PDE4B: variants seen among roughly 807,000 people sequenced by gnomAD.
PDE4B encodes phosphodiesterase 4B.
Under a neutral mutation model 82.2 loss-of-function variants are expected in PDE4B, and 20 were observed. The observed-to-expected ratio is 0.24, with a 90% CI of 0.17 to 0.35. PDE4B has a LOEUF of 0.35. Ranked by LOEUF, PDE4B falls within the 10% of genes least tolerant of loss-of-function variation. The pLI is 1.00. For synonymous variants in PDE4B, 320 were observed against 318.9 expected (o/e 1.00, Z -0.04); for missense variants, 655 against 907.2 (o/e 0.72, Z 3.57).
chr1:66,266,014 T>A (rs1021110300), intron 6 of PDE4B, 24 bp from the exon 7 acceptor site: 1 of 1,601,272 alleles, frequency 6.2e-7, no homozygotes, highest in Admixed American at 1.7e-5. Context: ...ACAGACTCAG[T>A]CCTTCTTTTC....
At chr1:66,370,702 A>T (rs2050726028) in intron 16 of PDE4B, among the ~76,000 whole-genome samples, 1 of 152,182 alleles carries the variant, frequency 6.6e-6, no homozygotes, top group African/African-American at 2.4e-5. Context: ...TTTCAAAAAC[A>T]TTCTCAGCAT....
chr1:65,930,490 G>A (rs114007349), intron 3 of PDE4B, among the ~76,000 whole-genome samples: 1,818 of 152,308 alleles, frequency 0.012, 40 homozygotes, highest in African/African-American at 0.042. Flanking sequence ...TTGGGGGGTC[G>A]AGCCCTGGAA....
At chr1:66,052,433 C>G (rs1458118300) in intron 3 of PDE4B, among the ~76,000 whole-genome samples, 1 of 152,074 alleles carries the variant, frequency 6.6e-6, no homozygotes, top group Non-Finnish European at 1.5e-5. Context: ...TCGCATCAAA[C>G]CCACTTGTAC....
At chr1:66,179,869 A>G (rs1320023370) in intron 3 of PDE4B, among the ~76,000 whole-genome samples, 1 of 152,150 alleles carries the variant, frequency 6.6e-6, no homozygotes, top group Non-Finnish European at 1.5e-5. Context: ...CGAGTTCGGA[A>G]TCCAATGCTT....
intron 3 of PDE4B, among the ~76,000 whole-genome samples, chr1:65,972,056 G>C (rs534371990): frequency 6.6e-6 from 1 of 152,194 alleles, no homozygotes; most frequent in South Asian, 2.1e-4. Flanking sequence ...AGGCAGACTA[G>C]GTAGATTCTG....
chr1:66,026,030 G>A (rs1430374751), intron 3 of PDE4B, among the ~76,000 whole-genome samples: 1 of 152,042 alleles, frequency 6.6e-6, no homozygotes, highest in Non-Finnish European at 1.5e-5. Flanking sequence ...ATGTTTTATT[G>A]TTTTCTTGAT....
intron 3 of PDE4B, among the ~76,000 whole-genome samples, chr1:66,113,832 T>C (rs1029833919): frequency 3.3e-5 from 5 of 152,198 alleles, no homozygotes; most frequent in Non-Finnish European, 7.3e-5. Flanking sequence ...TCAAATATAT[T>C]GTTTTGAGAG....
At chr1:66,304,783 C>G (rs967821631) in intron 7 of PDE4B, among the ~76,000 whole-genome samples, 6 of 152,086 alleles carry the variant, frequency 3.9e-5, no homozygotes, top group African/African-American at 1.2e-4. Flanking sequence ...TCAAGAAATT[C>G]TCACCTTCTT....
At position 65,834,879 on chromosome 1, in the gene PDE4B, T is replaced by G. The variant is rs138974622; in HGVS notation, c.-71+41631T>G. 3.1e-3 allele frequency among the ~76,000 whole-genome samples: 465 copies of G among 152,284 alleles called. 1 individual carries two copies. Among genetic ancestry groups the G allele is most frequent in the African/African-American group, 0.01 (435 of 41,568 alleles). ...ATTGGTAGTTTGAAATCAGTTATGGTGCAAATAATTACATCACAGGAATCA... is the reference window on the plus strand; with the variant it reads ...ATTGGTAGTTTGAAATCAGTTATGGGGCAAATAATTACATCACAGGAATCA... On this transcript the variant is annotated intron_variant, in intron 1 of 16. Coordinates refer to ENST00000341517, the MANE Select transcript of PDE4B (RefSeq NM_002600.4).
chr1:66,208,410 G>C (rs575916245), intron 3 of PDE4B, among the ~76,000 whole-genome samples: 1 of 152,168 alleles, frequency 6.6e-6, no homozygotes, highest in Non-Finnish European at 1.5e-5. Flanking sequence ...CTAGCTAACT[G>C]TTCTAGCTAC....
chr1:65,884,423 C>G (rs1475733209), intron 1 of PDE4B, among the ~76,000 whole-genome samples: 1 of 152,042 alleles, frequency 6.6e-6, no homozygotes, highest in African/African-American at 2.4e-5. Flanking sequence ...GCCAAAAGAA[C>G]AAAGCTGGAG....
chr1:66,204,876 C>T (rs944610588), intron 3 of PDE4B, among the ~76,000 whole-genome samples: 2 of 152,188 alleles, frequency 1.3e-5, no homozygotes, highest in African/African-American at 4.8e-5. Context: ...GTCTGGCACT[C>T]CCTAGTGAGA....
intron 1 of PDE4B, among the ~76,000 whole-genome samples, chr1:65,868,936 G>T (rs919897418): frequency 1.3e-5 from 2 of 152,092 alleles, no homozygotes; most frequent in Admixed American, 6.5e-5. Context: ...CCACCACCCC[G>T]TCTGTGGAAA....
At chr1:66,101,285 T>G (rs932948739) in intron 3 of PDE4B, among the ~76,000 whole-genome samples, 1 of 152,222 alleles carries the variant, frequency 6.6e-6, no homozygotes, top group African/African-American at 2.4e-5. Context: ...AGTGCCACAA[T>G]AAACATACAT....
At chr1:65,885,855 TATA>T (rs34224891) in intron 1 of PDE4B, among the ~76,000 whole-genome samples, 8,951 of 141,228 alleles carry the variant, frequency 0.063, 553 homozygotes, top group African/African-American at 0.17. Flanking sequence ...AAACTTAACG[TATA>T]ATAATAATAA....
At chr1:65,844,963 C>T (rs917151222) in intron 1 of PDE4B, among the ~76,000 whole-genome samples, 3 of 152,158 alleles carry the variant, frequency 2.0e-5, no homozygotes, top group Non-Finnish European at 2.9e-5. Context: ...TGTAGTTTGA[C>T]ATATGAAGTG....
intron 3 of PDE4B, among the ~76,000 whole-genome samples, chr1:66,020,625 TC>T (rs1157168071): frequency 6.6e-6 from 1 of 152,210 alleles, no homozygotes; most frequent in Non-Finnish European, 1.5e-5. Context: ...TTCATCCATG[TC>T]CCTACAAAGG....
intron 3 of PDE4B, among the ~76,000 whole-genome samples, chr1:65,958,183 A>G (rs1473653602): frequency 6.6e-6 from 1 of 151,990 alleles, no homozygotes; most frequent in Admixed American, 6.6e-5. Context: ...AGATTTTTAA[A>G]AATATGCTTG....
intron 3 of PDE4B, among the ~76,000 whole-genome samples, chr1:66,205,278 G>A (rs12041116): frequency 0.24 from 35,803 of 152,154 alleles, 4,358 homozygotes; most frequent in Middle Eastern, 0.29. Context: ...CCTAGGGAAT[G>A]GGGACAAACT....
Sources: gnomAD v4.1 joint callset for allele counts (sites outside exome capture counted in the v4.1 genomes callset) on GRCh38, gnomAD v4.1.1 for gene constraint, MANE v1.5 for transcripts, NCBI Gene and HGNC (gene_info 2026-07-23, HGNC 2026-07-21) for gene names.